Variants in STRA6 observed in about 807,000 individuals in gnomAD.
STRA6 encodes the protein signaling receptor and transporter of retinol STRA6, also known as receptor for retinol uptake STRA6.
STRA6 carries 48 observed loss-of-function variants against 83.6 expected under a neutral mutation model. The observed-to-expected ratio is 0.57, with a 90% CI of 0.46 to 0.73. The LOEUF (loss-of-function observed/expected upper bound fraction) is 0.73. STRA6 is among the 30% of genes least tolerant of loss of function. STRA6 has a pLI of 0.00. For synonymous variants in STRA6, 353 were observed against 362.3 expected, an observed-to-expected ratio of 0.97 and a Z score of 0.29; for missense variants, 760 against 838.8, an observed-to-expected ratio of 0.91 and a Z score of 1.16.
rs150219390 is a variant in STRA6, at chr15:74,189,259, C to T, written c.946G>A (p.Val316Met). The part of the protein sequence containing the change: ...AIYQVALLLL[V>M]GVVPTIQKVR... ...TTCTGGATAGTGGGTACCACGCCCA[C>T]CAGCAGCAGCAGGGCCACCTGGAAG... The change falls in exon 12 of 19, where the codon GTG (valine) becomes ATG (methionine). Residue 316 changes from valine (V) to methionine (M), a missense_variant. Coordinates refer to ENST00000395105, the MANE Select transcript of STRA6 (RefSeq NM_022369.4). 947 of 1,601,216 alleles carry T rather than the reference C, an allele frequency of 5.9e-4. 5 individuals are homozygous for T. In the African/African-American group the frequency reaches 0.012, roughly 20 times the overall value.
At chr15:74,193,291 A>T (rs552592135) in intron 8 of STRA6, among the ~76,000 whole-genome samples, 1 of 152,196 alleles carries the variant, frequency 6.6e-6, no homozygotes, top group African/African-American at 2.4e-5. Context: ...TTATTCTCTC[A>T]TCACTCTAGA....
rs185177348 is a variant in STRA6, at chr15:74,184,007, G to A, written c.1167-18C>T. ...GGTTGGTCCTGGGGTGGGAGCCAGG[G>A]AGGCAGAGACCTCAGGGAGCAACAC... On this transcript the variant is annotated intron_variant, in intron 13 of 18. Coordinates refer to ENST00000395105, the MANE Select transcript of STRA6 (RefSeq NM_022369.4). 554 of 1,611,680 alleles carry A rather than the reference G, an allele frequency of 3.4e-4. 2 individuals carry two copies. In the African/African-American group the frequency reaches 6.6e-3, roughly 19 times the overall value.
At chr15:74,185,524 T>G (rs2073203127) in intron 12 of STRA6, among the ~76,000 whole-genome samples, 2 of 152,236 alleles carry the variant, frequency 1.3e-5, no homozygotes, top group Admixed American at 1.3e-4. Flanking sequence ...ATGGTCTTCG[T>G]TCAGGGCATA....
intron 11 of STRA6, among the ~76,000 whole-genome samples, chr15:74,189,667 T>TTTTC (rs1491586409): frequency 7.3e-6 from 1 of 136,280 alleles, no homozygotes; most frequent in East Asian, 2.0e-4. Flanking sequence ...CAACTTCTTC[T>TTTTC]TTTTTTTTTT....
Position 74,183,877 on chromosome 15 carries a change from G to C in STRA6, c.1279C>G (p.Gln427Glu), listed in dbSNP as rs763325811. 1 of 1,614,116 alleles carries C rather than the reference G, an allele frequency of 6.2e-7. No individual in the cohort carries two copies. The highest frequency in any genetic ancestry group is 1.1e-5 in the South Asian group (1 of 91,082). Residue 427 changes from glutamine (Q) to glutamate (E), a missense_variant, in exon 14 of 19, where the codon CAG becomes GAG. Transcript: ENST00000395105. ...TCACCAAGGCAGATAAAGGCTGTCT[G>C]GTAGGCACTGAAGCTCATCCAACAG... ...IFCWMSFSAY[Q>E]TAFICLGLLV...
Position 74,179,929 on chromosome 15 carries a change from G to A in STRA6, c.*151C>T, listed in dbSNP as rs140094995. On this transcript the variant is annotated 3_prime_UTR_variant, in exon 19 of 19. Coordinates refer to ENST00000395105, the MANE Select transcript of STRA6 (RefSeq NM_022369.4). Reference sequence around the variant, plus strand: ...GCAGAGCCCTCCTGAGGCTCCCAGTGCAGACAGACCTCCACCCAACCACAG... The same window carrying A: ...GCAGAGCCCTCCTGAGGCTCCCAGTACAGACAGACCTCCACCCAACCACAG... The A allele has an allele frequency of 3.6e-4, 382 of 1,052,232 alleles. No individual in the cohort carries two copies. The Middle Eastern group carries it at 4.2e-3, about 11-fold the overall frequency. The allele number at this position is 1,052,232 out of a possible 1,614,324, so 65.2% of individuals were successfully genotyped here. A position where few individuals can be genotyped will look rare whatever the true frequency, so the allele number is the denominator to read the frequency against.
Position 74,202,220 on chromosome 15 carries a change from C to T in STRA6, c.48G>A (p.Glu16=), listed in dbSNP as rs1595864683. ...AGNQTSPGAT[E]DYSYGSWYID... ...TGTACCAGCTGCCATAGGAGTAGTC[C>T]TCTGTGGCCCCGGGGGAGGTCTGGT... is the stretch of plus-strand genomic sequence containing the variant. The change falls in exon 2 of 19, where the codon GAG becomes GAA. Residue 16 remains glutamate, a synonymous_variant. Coordinates refer to ENST00000395105, the MANE Select transcript of STRA6 (RefSeq NM_022369.4). 1.3e-6 allele frequency: 2 copies of T among 1,534,348 alleles called. No individual in the cohort carries two copies. The highest frequency in any genetic ancestry group is 2.8e-5 in the African/African-American group (2 of 72,022).
intron 13 of STRA6, 44 bp downstream of exon 13, chr15:74,184,936 C>T (rs766916229): frequency 6.3e-7 from 1 of 1,597,922 alleles, no homozygotes; most frequent in Admixed American, 1.7e-5. Flanking sequence ...GACTCCCACT[C>T]CTTCCCCACC....
chr15:74,206,301 G>A (rs978692217), upstream of STRA6, among the ~76,000 whole-genome samples: 1 of 152,218 alleles, frequency 6.6e-6, no homozygotes, highest in African/African-American at 2.4e-5. Context: ...GGGTGGCCGC[G>A]TGGCTCAAGC....
intron 7 of STRA6, chr15:74,194,537 G>A: frequency 2.3e-6 from 1 of 426,026 alleles, no homozygotes; most frequent in African/African-American, 2.1e-5. Flanking sequence ...TGGACGGATG[G>A]AGAAACGGTC....
At chr15:74,186,084 C>G (rs572426406) in intron 12 of STRA6, among the ~76,000 whole-genome samples, 9 of 152,250 alleles carry the variant, frequency 5.9e-5, no homozygotes, top group African/African-American at 2.2e-4. Flanking sequence ...CCTGGAGCTG[C>G]TAAAACTCGC....
intron 1 of STRA6, chr15:74,208,053 A>T: frequency 1.5e-6 from 2 of 1,299,128 alleles, no homozygotes; most frequent in Non-Finnish European, 2.0e-6. Flanking sequence ...TCATCATAAC[A>T]TAAAGGATTT....
At chr15:74,190,401 A>ATTG in intron 11 of STRA6, among the ~76,000 whole-genome samples, 1 of 150,834 alleles carries the variant, frequency 6.6e-6, no homozygotes, top group East Asian at 1.9e-4. Context: ...CAGGATTTTA[A>ATTG]TTGTTGTTGT....
chr15:74,210,254 C>T (rs1372783715), upstream of STRA6, among the ~76,000 whole-genome samples: 12 of 152,184 alleles, frequency 7.9e-5, no homozygotes, highest in African/African-American at 2.4e-4. Context: ...ATTCCCAAGG[C>T]CGTTTGTAAT....
rs2073366286 is a variant in STRA6, at chr15:74,188,411, A to G, written c.1090+704T>C. Among the ~76,000 whole-genome samples the G allele has an allele frequency of 6.6e-6, 1 of 152,332 alleles. No homozygotes were observed. Among genetic ancestry groups the G allele is most frequent in the Admixed American group, 6.5e-5 (1 of 15,298 alleles). On this transcript the variant is annotated intron_variant, in intron 12 of 18. Transcript: ENST00000395105. This position sits in a 1 kb window ranked among gnomAD's most constrained non-coding sequence, Gnocchi z 4.5. ...GTCCTCAGCACCGGGCTTTGTCCCA[A>G]GGTGATGGAGAAGGCCCCCGCCTAG...
In STRA6 at chr15:74,193,823, G is replaced by A. The variant is rs771875863; in HGVS notation, c.697C>T (p.Arg233Cys). 3.0e-5 allele frequency: 49 copies of A among 1,613,898 alleles called. No individual in the cohort carries two copies. The Admixed American group carries it at 3.3e-4, about 11-fold the overall frequency. ...ACCTTGGAGCCTGCTCCTGTCCTAC[G>A]GCTGAAGCTTCTCACCAGCTGCACA... ...YPVQLVRSFS[R>C]RTGAGSKGLQ... Residue 233 changes from arginine to cysteine, a missense_variant, in exon 8 of 19, where the codon CGT (arginine) becomes TGT (cysteine). Arg to Cys is a radical substitution (Grantham distance 180, BLOSUM62 -3). Coordinates refer to ENST00000395105, the MANE Select transcript of STRA6 (RefSeq NM_022369.4).
intron 12 of STRA6, among the ~76,000 whole-genome samples, chr15:74,187,492 T>G (rs979942188): frequency 2.0e-5 from 3 of 151,936 alleles, no homozygotes; most frequent in African/African-American, 7.3e-5. Flanking sequence ...AGCTTGTAAG[T>G]GATGGAACAG....
rs1406922328 is a variant in STRA6, at chr15:74,191,158, A to G, written c.865+9T>C. ...CTGTCACGCTCGGCCTCAGCTCCCA[A>G]CCCCATACCTGGCTGTGGAGTGTAG... On this transcript the variant is annotated intron_variant, in intron 10 of 18. Transcript: ENST00000395105. 6.2e-7 allele frequency: 1 copy of G among 1,613,794 alleles called. No homozygotes were observed. Among genetic ancestry groups the G allele is most frequent in the Admixed American group, 1.7e-5 (1 of 59,980 alleles).
At chr15:74,189,503 G>GT (rs1427965182) in intron 11 of STRA6, among the ~76,000 whole-genome samples, 5 of 152,108 alleles carry the variant, frequency 3.3e-5, no homozygotes, top group Non-Finnish European at 4.4e-5. Flanking sequence ...TTCGAGCACC[G>GT]TAACTTCATA....
Sources: allele counts gnomAD v4.1 joint callset (sites outside exome capture counted in the v4.1 genomes callset), GRCh38; gene constraint gnomAD v4.1.1; non-coding constraint Gnocchi (gnomAD v3.1); transcripts MANE v1.5; gene names NCBI Gene and HGNC (gene_info 2026-07-23, HGNC 2026-07-21).